The following SPMAP2L variants were observed in gnomAD, a reference collection of about 807,000 sequenced individuals.
SPMAP2L encodes the protein sperm microtubule associated protein 2 like, also known as sperm microtubule associated protein 2-like.
chr4:56,624,321 G>T, the SPMAP2L span, among the ~76,000 whole-genome samples: 1 of 152,168 alleles, frequency 6.6e-6, no homozygotes, highest in African/African-American at 2.4e-5. Context: ...GGGAAAAAAA[G>T]AACATGAGGG....
At chr4:56,603,525 G>A in the SPMAP2L span, 1 of 444,990 alleles carries the variant, frequency 2.2e-6, no homozygotes, top group African/African-American at 2.0e-5. Flanking sequence ...GCAGATTTGA[G>A]GACTCCAGCA....
At chr4:56,602,544 A>C in the SPMAP2L span, among the ~76,000 whole-genome samples, 1 of 152,030 alleles carries the variant, frequency 6.6e-6, no homozygotes, top group East Asian at 1.9e-4. Context: ...AATACAAAAA[A>C]GTTTGCTGGG....
At chr4:56,551,783 TA>T in the SPMAP2L span, among the ~76,000 whole-genome samples, 1 of 152,250 alleles carries the variant, frequency 6.6e-6, no homozygotes, top group South Asian at 2.1e-4. Context: ...CTTAACACAA[TA>T]AAAGTTTATT....
At chr4:56,561,962 G>A in the SPMAP2L span, among the ~76,000 whole-genome samples, 1 of 152,088 alleles carries the variant, frequency 6.6e-6, no homozygotes, top group African/African-American at 2.4e-5. Flanking sequence ...GACCTCAGGT[G>A]ATCTGCCTGC....
At chr4:56,571,469 C>A in the SPMAP2L span, among the ~76,000 whole-genome samples, 1 of 151,902 alleles carries the variant, frequency 6.6e-6, no homozygotes, top group Non-Finnish European at 1.5e-5. Context: ...TGCGCCACCA[C>A]ACCTGGTTAA....
chr4:56,619,625 T>A, the SPMAP2L span, among the ~76,000 whole-genome samples: 179 of 152,360 alleles, frequency 1.2e-3, no homozygotes, highest in Middle Eastern at 0.01. Context: ...ACATTTTTAT[T>A]TATTTGTTCA....
chr4:56,620,685 T>G, the SPMAP2L span, among the ~76,000 whole-genome samples: 3 of 152,206 alleles, frequency 2.0e-5, no homozygotes, highest in Non-Finnish European at 4.4e-5. Context: ...GCGCCCGACA[T>G]CCTTCTAGTT....
the SPMAP2L span, among the ~76,000 whole-genome samples, chr4:56,622,874 C>G: frequency 6.6e-6 from 1 of 152,152 alleles, no homozygotes; most frequent in Non-Finnish European, 1.5e-5. Flanking sequence ...AGCCTTTTTA[C>G]CCCCAACTCG....
chr4:56,590,555 T>C, the SPMAP2L span, among the ~76,000 whole-genome samples: 1 of 152,218 alleles, frequency 6.6e-6, no homozygotes, highest in East Asian at 1.9e-4. Context: ...GAAAAGGCTC[T>C]TGGGCTCAAT....
the SPMAP2L span, among the ~76,000 whole-genome samples, chr4:56,616,110 A>G: frequency 6.6e-6 from 1 of 152,164 alleles, no homozygotes; most frequent in Non-Finnish European, 1.5e-5. Flanking sequence ...ATAAAGTGTC[A>G]TAGTCCAGGT....
At chr4:56,588,200 AGATT>A in the SPMAP2L span, among the ~76,000 whole-genome samples, 230 of 152,284 alleles carry the variant, frequency 1.5e-3, no homozygotes, top group Middle Eastern at 6.8e-3. Context: ...AGTTTGTTGT[AGATT>A]CTGCATATTA....
chr4:56,596,637 C>T, the SPMAP2L span: 89 of 1,508,170 alleles, frequency 5.9e-5, no homozygotes, highest in Non-Finnish European at 7.7e-5. Flanking sequence ...GTCCTGTAAG[C>T]CATCGCTACC....
chr4:56,548,933 C>A, the SPMAP2L span: 1 of 524,830 alleles, frequency 1.9e-6, no homozygotes, highest in Non-Finnish European at 3.0e-6. Flanking sequence ...TCAAAAAGGA[C>A]ATTCCTAGGC....
At chr4:56,567,694 T>C in the SPMAP2L span, among the ~76,000 whole-genome samples, 15 of 152,244 alleles carry the variant, frequency 9.9e-5, no homozygotes, top group South Asian at 3.1e-3. Context: ...TTGGTGGGCA[T>C]AGAACTCCAG....
At chr4:56,548,773 C>T in the SPMAP2L span, 1 of 1,483,504 alleles carries the variant, frequency 6.7e-7, no homozygotes, top group Non-Finnish European at 8.9e-7. Context: ...TTTGCTTTTA[C>T]TTTTGTTTTC....
chr4:56,623,748 A>G, the SPMAP2L span, among the ~76,000 whole-genome samples: 1 of 152,228 alleles, frequency 6.6e-6, no homozygotes, highest in East Asian at 1.9e-4. Context: ...CTGCCATGTA[A>G]GAAGTGCCTT....
the SPMAP2L span, among the ~76,000 whole-genome samples, chr4:56,605,190 G>C: frequency 6.6e-6 from 1 of 152,290 alleles, no homozygotes; most frequent in African/African-American, 2.4e-5. Context: ...AGCTTTCTAA[G>C]GGTACAGTGG....
At chr4:56,552,016 A>G in the SPMAP2L span, among the ~76,000 whole-genome samples, 2 of 152,250 alleles carry the variant, frequency 1.3e-5, no homozygotes, top group Non-Finnish European at 2.9e-5. Flanking sequence ...AACATAGGGC[A>G]ACACATGGAC....
the SPMAP2L span, among the ~76,000 whole-genome samples, chr4:56,581,618 T>TA: frequency 7.9e-3 from 1,096 of 138,592 alleles, 9 homozygotes; most frequent in Middle Eastern, 0.019. Flanking sequence ...AGACCCTGTC[T>TA]AAAAAAAAAA....
Sources: allele counts gnomAD v4.1 joint callset (sites outside exome capture counted in the v4.1 genomes callset), GRCh38; gene constraint gnomAD v4.1.1; transcripts MANE v1.5; gene names NCBI Gene and HGNC (gene_info 2026-07-23, HGNC 2026-07-21).